Variants in TMEM30A observed in about 807,000 individuals in gnomAD.
TMEM30A encodes cell division cycle 50 P4-ATPase accessory subunit A, also known as cell cycle control protein 50A.
Under a neutral mutation model 38.2 loss-of-function variants are expected in TMEM30A, and 24 were observed. That is an observed-to-expected ratio of 0.63 (90% CI 0.46 to 0.88). TMEM30A has a LOEUF of 0.88. Ranked by LOEUF, TMEM30A falls within the 40% of genes least tolerant of loss-of-function variation. The pLI, the probability that TMEM30A is intolerant of heterozygous loss-of-function variation, is 0.00. For missense variants in TMEM30A, 370 were observed against 458.6 expected, an observed-to-expected ratio of 0.81 and a Z score of 1.77; for synonymous variants, 145 against 161.6, an observed-to-expected ratio of 0.90 and a Z score of 0.78.
At chr6:75,261,358 T>C (rs1771960733) in intron 3 of TMEM30A, among the ~76,000 whole-genome samples, 1 of 152,218 alleles carries the variant, frequency 6.6e-6, no homozygotes, top group Non-Finnish European at 1.5e-5. Flanking sequence ...AATAAACATG[T>C]CCAACTATAC....
chr6:75,269,979 C>A (rs1197908943), intron 1 of TMEM30A, among the ~76,000 whole-genome samples: 1 of 152,134 alleles, frequency 6.6e-6, no homozygotes, highest in East Asian at 1.9e-4. Context: ...AGGCATGAGC[C>A]ACCGCGCCCG....
At chr6:75,264,952 T>TA (rs1772041131) in intron 3 of TMEM30A, among the ~76,000 whole-genome samples, 1 of 151,822 alleles carries the variant, frequency 6.6e-6, no homozygotes, top group East Asian at 1.9e-4. Context: ...ATACAAAAAT[T>TA]AGCTGGGTGT....
intron 1 of TMEM30A, among the ~76,000 whole-genome samples, chr6:75,273,768 T>C (rs529502207): frequency 1.3e-5 from 2 of 152,360 alleles, no homozygotes; most frequent in East Asian, 3.9e-4. Flanking sequence ...ATCACAGTTA[T>C]ACAAGTTTGA....
intron 1 of TMEM30A, among the ~76,000 whole-genome samples, chr6:75,277,818 G>A (rs1055451498): frequency 6.6e-6 from 1 of 152,134 alleles, no homozygotes; most frequent in South Asian, 2.1e-4. Flanking sequence ...AGGTGGAAGG[G>A]TTGCTTGAGC....
At chr6:75,275,876 G>A (rs901907235) in intron 1 of TMEM30A, among the ~76,000 whole-genome samples, 10 of 152,124 alleles carry the variant, frequency 6.6e-5, no homozygotes, top group Non-Finnish European at 1.5e-4. Context: ...ATATGCTAAT[G>A]ATACAATTGG....
At chr6:75,262,746 C>T (rs1324214520) in intron 3 of TMEM30A, among the ~76,000 whole-genome samples, 1 of 151,724 alleles carries the variant, frequency 6.6e-6, no homozygotes, top group East Asian at 1.9e-4. Flanking sequence ...AACAGAAAAA[C>T]GAAAAGAATA....
At chr6:75,271,606 A>G (rs1233091788) in intron 1 of TMEM30A, among the ~76,000 whole-genome samples, 2 of 152,192 alleles carry the variant, frequency 1.3e-5, no homozygotes, top group East Asian at 3.8e-4. Flanking sequence ...CTTCACATAC[A>G]TATTTCATCT....
At chr6:75,262,660 AAAC>A (rs1174833505) in intron 3 of TMEM30A, among the ~76,000 whole-genome samples, 3 of 152,204 alleles carry the variant, frequency 2.0e-5, no homozygotes, top group East Asian at 1.9e-4. Context: ...AAAAAACAAC[AAAC>A]AACAACAACA....
intron 6 of TMEM30A, 108 bp from the exon 7 acceptor site, chr6:75,256,403 A>G: frequency 1.1e-6 from 1 of 891,734 alleles, no homozygotes; most frequent in Non-Finnish European, 1.7e-6. Context: ...TAATTCTAGG[A>G]TATACAGGTA....
intron 2 of TMEM30A, among the ~76,000 whole-genome samples, chr6:75,266,347 CCTT>C (rs768762168): frequency 6.6e-6 from 1 of 152,030 alleles, no homozygotes; most frequent in Non-Finnish European, 1.5e-5. Flanking sequence ...TACATGGAAA[CCTT>C]CTTGTGGAAG....
At chr6:75,279,474 C>G (rs918626847) in intron 1 of TMEM30A, among the ~76,000 whole-genome samples, 17 of 151,916 alleles carry the variant, frequency 1.1e-4, no homozygotes, top group Admixed American at 5.2e-4. Context: ...AAGAGGCTAC[C>G]AAGTGGAAGA....
At position 75,284,492 on chromosome 6, in the gene TMEM30A, C is replaced by A. The variant is rs746539447; in HGVS notation, c.147G>T (p.Thr49=). The A allele has an allele frequency of 6.2e-7, 1 of 1,611,068 alleles. No individual in the cohort carries two copies. The highest frequency in any genetic ancestry group is 1.1e-5 in the South Asian group (1 of 90,726). ...PAWQPILTAG[T]VLPIFFIIGL... is the part of the protein sequence containing the mutation. ...CGATGATGAAGAAAATAGGTAGCAC[C>A]GTGCCAGCCGTAAGGATGGGCTGCC... is the stretch of plus-strand genomic sequence containing the variant. The change falls in exon 1 of 7, where the codon ACG becomes ACT. Residue 49 remains threonine, a synonymous_variant. Transcript: ENST00000230461.
At position 75,255,259 on chromosome 6, in the gene TMEM30A, A is replaced by C. The variant is rs1415080066; in HGVS notation, c.*843T>G. The C allele has an allele frequency of 1.3e-5, 2 of 152,644 alleles. No individual in the cohort carries two copies. Among genetic ancestry groups the C allele is most frequent in the East Asian group, 3.9e-4 (2 of 5,188 alleles). The allele number at this position is 152,644 out of a possible 1,614,324, so 9.5% of individuals were successfully genotyped here. ...AGAATGAAAACAGTCTCCATTAAGC[A>C]CTTACATGTGGTTTACAGTTGAGGC... On this transcript the variant is annotated 3_prime_UTR_variant, in exon 7 of 7. Transcript: ENST00000230461.
intron 4 of TMEM30A, 88 bp from the exon 5 acceptor site, chr6:75,259,578 T>A: frequency 8.1e-7 from 1 of 1,237,910 alleles, no homozygotes; most frequent in Non-Finnish European, 1.1e-6. Flanking sequence ...GGACCTGATA[T>A]TTGTTTCCAA....
intron 3 of TMEM30A, among the ~76,000 whole-genome samples, chr6:75,261,808 G>T (rs143245303): frequency 6.6e-6 from 1 of 152,182 alleles, no homozygotes; most frequent in East Asian, 1.9e-4. Context: ...TGTGTGAATG[G>T]AAAAGATAAG....
At chr6:75,258,646 A>C (rs1771909340) in intron 6 of TMEM30A, 134 bp downstream of exon 6, 1 of 701,332 alleles carries the variant, frequency 1.4e-6, no homozygotes, top group East Asian at 2.7e-5. Flanking sequence ...ATTCTCACAT[A>C]TACCACACAT....
At chr6:75,283,797 G>A (rs1772402256) in intron 1 of TMEM30A, among the ~76,000 whole-genome samples, 1 of 152,162 alleles carries the variant, frequency 6.6e-6, no homozygotes, top group South Asian at 2.1e-4. Context: ...TAAAAATATC[G>A]AATTAGCTCA....
chr6:75,279,272 T>C (rs1178657661), intron 1 of TMEM30A, among the ~76,000 whole-genome samples: 1 of 152,128 alleles, frequency 6.6e-6, no homozygotes, highest in Non-Finnish European at 1.5e-5. Context: ...GTTTTCACCA[T>C]CAAATAAAAC....
chr6:75,276,818 T>C (rs1382678320), intron 1 of TMEM30A, among the ~76,000 whole-genome samples: 1 of 152,158 alleles, frequency 6.6e-6, no homozygotes, highest in Non-Finnish European at 1.5e-5. Context: ...TACTTCCCAA[T>C]ACCCTCATCT....
Sources: gnomAD v4.1 joint callset for allele counts (sites outside exome capture counted in the v4.1 genomes callset) on GRCh38, gnomAD v4.1.1 for gene constraint, MANE v1.5 for transcripts, NCBI Gene and HGNC (gene_info 2026-07-23, HGNC 2026-07-21) for gene names.